The following RELN variants were observed in gnomAD, a reference collection of about 807,000 sequenced individuals.
RELN encodes the protein reelin.
A neutral mutation model predicts 427.6 loss-of-function variants in RELN; 108 were observed. That is an observed-to-expected ratio of 0.25 (90% CI 0.22 to 0.30). The LOEUF (loss-of-function observed/expected upper bound fraction) is 0.30. Ranked by LOEUF, RELN falls within the 10% of genes least tolerant of loss-of-function variation. The probability of loss-of-function intolerance (pLI) is 1.00; values close to 1 mark genes in which losing one functional copy is unlikely to be tolerated. For synonymous variants in RELN, 1,524 were observed against 1,513.4 expected (o/e 1.01, Z -0.16); for missense variants, 3,715 against 4,302.8 (o/e 0.86, Z 3.82).
intron 4 of RELN, among the ~76,000 whole-genome samples, chr7:103,771,204 G>A (rs905980049): frequency 2.6e-4 from 39 of 151,276 alleles, no homozygotes; most frequent in African/African-American, 7.5e-4. Flanking sequence ...GGTGTGAGCC[G>A]CCACGCCCAG....
intron 7 of RELN, among the ~76,000 whole-genome samples, chr7:103,726,910 G>A (rs932173440): frequency 3.9e-5 from 6 of 152,058 alleles, no homozygotes; most frequent in Admixed American, 1.3e-4. Flanking sequence ...CTTGAATTAT[G>A]AGCACCTACT....
chr7:103,746,802 T>C lies in RELN; in HGVS notation c.656+2624A>G, dbSNP rs965490524. The stretch of plus-strand genomic sequence containing the variant: ...AGGATGTGGAGAAATAGGAACACTT[T>C]TACACTGTTGGTGGGACTGTAAACT... On this transcript the variant is annotated intron_variant, in intron 6 of 64. Coordinates refer to ENST00000428762, the MANE Select transcript of RELN (RefSeq NM_005045.4). 2.9e-4 allele frequency among the ~76,000 whole-genome samples: 44 copies of C among 150,730 alleles called. 1 individual carries two copies. The highest frequency in any genetic ancestry group is 2.7e-3 in the Admixed American group (41 of 15,206).
At chr7:103,475,057 T>G (rs987138814) in intron 64 of RELN, among the ~76,000 whole-genome samples, 1 of 152,200 alleles carries the variant, frequency 6.6e-6, no homozygotes, top group African/African-American at 2.4e-5. Context: ...ATGCTTAATC[T>G]TATTCTGCCC....
chr7:103,753,141 C>G (rs752808464), intron 5 of RELN, 41 bp downstream of exon 5: 2 of 1,606,226 alleles, frequency 1.2e-6, no homozygotes, highest in African/African-American at 2.7e-5. Flanking sequence ...ACAAGTAGAT[C>G]AAGTACTAAA....
At chr7:103,645,032 G>C (rs555315568) in intron 16 of RELN, among the ~76,000 whole-genome samples, 6 of 151,674 alleles carry the variant, frequency 4.0e-5, no homozygotes, top group Non-Finnish European at 8.9e-5. Flanking sequence ...TTAGAATTAA[G>C]CTTCATAAAT....
chr7:103,754,340 G>A (rs1349524794), intron 4 of RELN, among the ~76,000 whole-genome samples: 3 of 151,736 alleles, frequency 2.0e-5, no homozygotes, highest in African/African-American at 7.3e-5. Flanking sequence ...AATTGCACAC[G>A]GGGCTTACAT....
chr7:103,959,382 C>T (rs1187069955), intron 1 of RELN, among the ~76,000 whole-genome samples: 1 of 152,162 alleles, frequency 6.6e-6, no homozygotes, highest in African/African-American at 2.4e-5. Flanking sequence ...ATATCCCAGC[C>T]CAAACCCCTC....
At chr7:103,576,958 A>C (rs565500761) in intron 28 of RELN, among the ~76,000 whole-genome samples, 3 of 152,210 alleles carry the variant, frequency 2.0e-5, no homozygotes, top group Non-Finnish European at 4.4e-5. Flanking sequence ...ACACACGCAC[A>C]CACACACACA....
intron 32 of RELN, 54 bp downstream of exon 32, chr7:103,566,547 T>A (rs944248859): frequency 9.4e-5 from 151 of 1,608,646 alleles, no homozygotes; most frequent in Middle Eastern, 7.1e-4. Flanking sequence ...AAGGTGGGTA[T>A]GGATACTTCA....
intron 64 of RELN, 57 bp from the exon 65 acceptor site, chr7:103,472,965 C>T: frequency 7.5e-7 from 1 of 1,335,452 alleles, no homozygotes; most frequent in Non-Finnish European, 1.1e-6. Context: ...GCATGTAAGT[C>T]CCATCATTGA....
At chr7:103,767,764 T>C (rs764599240) in intron 4 of RELN, among the ~76,000 whole-genome samples, 48 of 152,218 alleles carry the variant, frequency 3.2e-4, no homozygotes, top group Non-Finnish European at 4.7e-4. Flanking sequence ...TACTGACATT[T>C]TGGACAATTT....
chr7:103,558,286 T>G (rs1830568385), intron 36 of RELN, among the ~76,000 whole-genome samples: 1 of 152,182 alleles, frequency 6.6e-6, no homozygotes, highest in Non-Finnish European at 1.5e-5. Context: ...AATCATACTT[T>G]TCTGTGACTC....
At chr7:103,823,224 T>A (rs1170619087) in intron 3 of RELN, among the ~76,000 whole-genome samples, 1 of 132,216 alleles carries the variant, frequency 7.6e-6, no homozygotes, top group East Asian at 2.2e-4. Context: ...TTTTGTGCCA[T>A]TATGTTTAGT....
rs546809825 is a variant in RELN at position 103,750,166 on chromosome 7, C to T, written c.578-662G>A. On this transcript the variant is annotated intron_variant, in intron 5 of 64. Transcript: ENST00000428762. Reference sequence around the variant, plus strand: ...GGCTAATTTTTATATTTTTAGTAGACGGGGTTCCGCCATGTTGGCCAGGCT... The same window carrying T: ...GGCTAATTTTTATATTTTTAGTAGATGGGGTTCCGCCATGTTGGCCAGGCT... Among the ~76,000 whole-genome samples the T allele has an allele frequency of 4.5e-4, 69 of 152,120 alleles. 1 individual carries two copies. The South Asian group carries it at 0.012, about 27-fold the overall frequency.
At chr7:103,701,659 G>A (rs1363486685) in intron 8 of RELN, among the ~76,000 whole-genome samples, 1 of 152,068 alleles carries the variant, frequency 6.6e-6, no homozygotes, top group African/African-American at 2.4e-5. Flanking sequence ...ATTTTAAGCT[G>A]ATAAGAATTT....
At chr7:103,593,907 C>G in intron 26 of RELN, 25 bp from the exon 27 acceptor site, 1 of 1,561,438 alleles carries the variant, frequency 6.4e-7, no homozygotes, top group Non-Finnish European at 8.8e-7. Context: ...ACAAATAAAA[C>G]AAAAGGCAAT....
At chr7:103,742,016 C>A (rs111275352) in intron 6 of RELN, among the ~76,000 whole-genome samples, 33,268 of 152,042 alleles carry the variant, frequency 0.22, 4,818 homozygotes, top group African/African-American at 0.41. Flanking sequence ...AGGCACCCCC[C>A]AGTAGGGGCG....
At chr7:103,746,538 C>T (rs141066156) in intron 6 of RELN, among the ~76,000 whole-genome samples, 32,780 of 151,366 alleles carry the variant, frequency 0.22, 4,706 homozygotes, top group African/African-American at 0.41. Flanking sequence ...GGCTAATATC[C>T]AGAAGCTACA....
At chr7:103,907,918 G>A (rs1795253171) in intron 2 of RELN, among the ~76,000 whole-genome samples, 2 of 152,118 alleles carry the variant, frequency 1.3e-5, no homozygotes, top group African/African-American at 4.8e-5. Flanking sequence ...CGCTCCACAT[G>A]CATTAGGTAT....
Sources: gnomAD v4.1 joint callset for allele counts (sites outside exome capture counted in the v4.1 genomes callset) on GRCh38, gnomAD v4.1.1 for gene constraint, MANE v1.5 for transcripts, NCBI Gene and HGNC (gene_info 2026-07-23, HGNC 2026-07-21) for gene names.